Variants in NELL1 observed in about 807,000 individuals in gnomAD.
The protein encoded by NELL1 is neural EGFL like 1.
Under a neutral mutation model 107.4 loss-of-function variants are expected in NELL1, and 76 were observed. The observed-to-expected ratio is 0.71, with a 90% CI of 0.59 to 0.86. The LOEUF (loss-of-function observed/expected upper bound fraction) is 0.86, where lower values mean the gene tolerates loss of function less well. NELL1 is among the 40% of genes least tolerant of loss of function. The pLI is 0.00. For missense variants in NELL1, 1,024 were observed against 1,005.5 expected (o/e 1.02, Z -0.25); for synonymous variants, 353 against 341.2 (o/e 1.03, Z -0.38).
intron 12 of NELL1, among the ~76,000 whole-genome samples, chr11:20,983,038 C>T (rs1361525721): frequency 1.3e-5 from 2 of 152,082 alleles, no homozygotes; most frequent in Non-Finnish European, 2.9e-5. Context: ...GGAAAGAGAC[C>T]TTCAGATCAG....
intron 14 of NELL1, among the ~76,000 whole-genome samples, chr11:21,265,166 T>C (rs1590785843): frequency 6.6e-6 from 1 of 152,144 alleles, no homozygotes; most frequent in Admixed American, 6.6e-5. Context: ...AACATCACTT[T>C]CGTGAGTAGA....
At position 21,162,241 on chromosome 11, in the gene NELL1, G is replaced by A. The variant is rs532439591; in HGVS notation, c.1426+48527G>A. Among the ~76,000 whole-genome samples, 9 of 152,126 alleles carry A rather than the reference G, an allele frequency of 5.9e-5. No individual in the cohort carries two copies. In the South Asian group the frequency reaches 8.3e-4, roughly 14 times the overall value. ...TGGGATTACAGGCGTGAGCCACTGC[G>A]CCCGGCCTGGGAACATAATCTTTAT... On this transcript the variant is annotated intron_variant, in intron 13 of 19. Coordinates refer to ENST00000357134, the MANE Select transcript of NELL1 (RefSeq NM_006157.5).
At chr11:21,561,985 G>A (rs183679760) in intron 17 of NELL1, among the ~76,000 whole-genome samples, 7 of 151,962 alleles carry the variant, frequency 4.6e-5, no homozygotes, top group Non-Finnish European at 7.4e-5. Context: ...TTCTTTGCTA[G>A]GTCATTTCAA....
chr11:20,858,451 G>C (rs923511666), intron 4 of NELL1, among the ~76,000 whole-genome samples: 2 of 152,214 alleles, frequency 1.3e-5, no homozygotes, highest in Non-Finnish European at 2.9e-5. Context: ...ATGGTAATCT[G>C]CACCGATAGC....
At chr11:21,422,825 G>C (rs1278417664) in intron 15 of NELL1, among the ~76,000 whole-genome samples, 1 of 151,678 alleles carries the variant, frequency 6.6e-6, no homozygotes, top group Non-Finnish European at 1.5e-5. Context: ...AAAGAAATAA[G>C]TCCCTTCTTA....
At chr11:21,476,099 A>T (rs190110906) in intron 15 of NELL1, among the ~76,000 whole-genome samples, 2 of 152,174 alleles carry the variant, frequency 1.3e-5, no homozygotes, top group Non-Finnish European at 2.9e-5. Flanking sequence ...TAACTTACTT[A>T]ACCAGGATAC....
At chr11:21,570,371 G>A (rs1459735064) in intron 17 of NELL1, among the ~76,000 whole-genome samples, 1 of 151,790 alleles carries the variant, frequency 6.6e-6, no homozygotes, top group African/African-American at 2.4e-5. Context: ...ATAGTTAGAT[G>A]AATGTATTTG....
intron 2 of NELL1, among the ~76,000 whole-genome samples, chr11:20,690,607 C>A (rs36134363): frequency 0.13 from 17,181 of 130,700 alleles, 1,191 homozygotes; most frequent in African/African-American, 0.16. Context: ...ATGTGGCGTT[C>A]TTTCTGAGGG....
At chr11:20,672,280 G>A (rs1054868189) in intron 1 of NELL1, among the ~76,000 whole-genome samples, 28 of 152,320 alleles carry the variant, frequency 1.8e-4, no homozygotes, top group African/African-American at 6.7e-4. Flanking sequence ...AAACAGCTGC[G>A]TTGAAAGTTT....
intron 4 of NELL1, among the ~76,000 whole-genome samples, chr11:20,880,820 C>G (rs1026034875): frequency 3.3e-5 from 5 of 152,186 alleles, no homozygotes; most frequent in Non-Finnish European, 5.9e-5. Context: ...TCTTGTAGCT[C>G]TGTCCACCCC....
chr11:21,127,127 G>C (rs1211727711), intron 13 of NELL1, among the ~76,000 whole-genome samples: 1 of 152,166 alleles, frequency 6.6e-6, no homozygotes, highest in Non-Finnish European at 1.5e-5. Context: ...GACTGGTCTA[G>C]GTTGGACACA....
intron 12 of NELL1, among the ~76,000 whole-genome samples, chr11:21,081,293 T>C (rs1854263100): frequency 6.6e-6 from 1 of 152,292 alleles, no homozygotes; most frequent in South Asian, 2.1e-4. Flanking sequence ...ACCTTTCTAA[T>C]TACCCTTTTT....
intron 2 of NELL1, among the ~76,000 whole-genome samples, chr11:20,743,964 T>C (rs1240102779): frequency 6.6e-6 from 1 of 152,156 alleles, no homozygotes; most frequent in Non-Finnish European, 1.5e-5. Flanking sequence ...ATCTACTCAG[T>C]TACTCAGGCC....
At chr11:20,944,509 G>T (rs531711998) in intron 10 of NELL1, among the ~76,000 whole-genome samples, 1 of 152,154 alleles carries the variant, frequency 6.6e-6, no homozygotes, top group African/African-American at 2.4e-5. Context: ...ACTTGAAAGT[G>T]TATGTATTTG....
chr11:20,927,363 C>A lies in NELL1; in HGVS notation c.815C>A (p.Thr272Asn), dbSNP rs1385961047. The A allele has an allele frequency of 1.2e-6, 2 of 1,613,264 alleles. No homozygotes were observed. Among genetic ancestry groups the A allele is most frequent in the South Asian group, 2.2e-5 (2 of 90,926 alleles). ...TTGGAAAACTGTCATTGTGAGAAGACTTGTCAAGTGAGTGGACTGCTCTAT... is the reference window on the plus strand; with the variant it reads ...TTGGAAAACTGTCATTGTGAGAAGAATTGTCAAGTGAGTGGACTGCTCTAT... The part of the protein sequence containing the change: ...SQLENCHCEK[T>N]CQVSGLLYRD... Residue 272 changes from threonine to asparagine, a missense_variant, in exon 8 of 20, where the codon ACT (threonine) becomes AAT (asparagine). Transcript: ENST00000357134.
At position 20,917,247 on chromosome 11, in the gene NELL1, G is replaced by A. The variant is rs564761068; in HGVS notation, c.604-935G>A. Among the ~76,000 whole-genome samples the A allele has an allele frequency of 1.2e-4, 19 of 152,088 alleles. No individual in the cohort carries two copies. In the East Asian group the frequency reaches 2.1e-3, roughly 17 times the overall value. On this transcript the variant is annotated intron_variant, in intron 5 of 19. Transcript: ENST00000357134. ...CTGCATCATCCTTGAAGAGGAAGAG[G>A]TTAATAAACATATAATTCTGTGGAA...
intron 12 of NELL1, among the ~76,000 whole-genome samples, chr11:20,999,018 T>G (rs1852155491): frequency 6.6e-6 from 1 of 152,164 alleles, no homozygotes; most frequent in African/African-American, 2.4e-5. Context: ...CTATCACACA[T>G]TTGGCTAAGT....
intron 3 of NELL1, among the ~76,000 whole-genome samples, chr11:20,805,661 C>T (rs892718804): frequency 2.0e-5 from 3 of 152,146 alleles, no homozygotes; most frequent in African/African-American, 7.2e-5. Context: ...CACCACCATG[C>T]CCAGCTAATT....
chr11:20,986,134 A>G (rs1851847977), intron 12 of NELL1, among the ~76,000 whole-genome samples: 1 of 152,142 alleles, frequency 6.6e-6, no homozygotes, highest in African/African-American at 2.4e-5. Flanking sequence ...CCAGTTTGCC[A>G]TGCTACCCTC....
Sources: allele counts gnomAD v4.1 joint callset (sites outside exome capture counted in the v4.1 genomes callset), GRCh38; gene constraint gnomAD v4.1.1; transcripts MANE v1.5; gene names NCBI Gene and HGNC (gene_info 2026-07-23, HGNC 2026-07-21).